Variants in LTBP1 observed in about 807,000 individuals in gnomAD.
The protein encoded by LTBP1 is latent-transforming growth factor beta-binding protein 1.
LTBP1 carries 129 observed loss-of-function variants against 207.6 expected under a neutral mutation model. That is an observed-to-expected ratio of 0.62 (90% confidence interval 0.54 to 0.72). The LOEUF is 0.72. Ranked by LOEUF, LTBP1 falls within the 30% of genes least tolerant of loss-of-function variation. LTBP1 has a pLI of 0.00. For synonymous variants in LTBP1, 963 were observed against 833.7 expected (o/e 1.16, Z -2.67); for missense variants, 2,281 against 2,217.2 (o/e 1.03, Z -0.58).
At chr2:33,082,798 A>G (rs1464289327) in intron 3 of LTBP1, among the ~76,000 whole-genome samples, 1 of 151,916 alleles carries the variant, frequency 6.6e-6, no homozygotes, top group Non-Finnish European at 1.5e-5. Context: ...GCATCTCTTT[A>G]TTCTTCTTTT....
At chr2:33,238,142 A>C (rs1236382687) in intron 9 of LTBP1, among the ~76,000 whole-genome samples, 1 of 152,182 alleles carries the variant, frequency 6.6e-6, no homozygotes, top group Non-Finnish European at 1.5e-5. Context: ...TTCAAGTGGA[A>C]GGCATACTGC....
At chr2:33,127,551 C>T (rs1348955675) in intron 4 of LTBP1, among the ~76,000 whole-genome samples, 1 of 152,200 alleles carries the variant, frequency 6.6e-6, no homozygotes, top group Non-Finnish European at 1.5e-5. Flanking sequence ...TGACACTCCC[C>T]TCTTACCACA....
chr2:33,321,011 C>T (rs1489908093), intron 24 of LTBP1, among the ~76,000 whole-genome samples: 1 of 151,950 alleles, frequency 6.6e-6, no homozygotes, highest in African/African-American at 2.4e-5. Context: ...ATTAATAATT[C>T]TATATTCCAC....
In LTBP1 at chr2:33,262,358, G is replaced by A. The variant is rs548301973; in HGVS notation, c.2419-364G>A. Among the ~76,000 whole-genome samples the A allele has an allele frequency of 1.9e-3, 295 of 152,260 alleles. 2 individuals are homozygous for A. Among genetic ancestry groups the A allele is most frequent in the African/African-American group, 6.4e-3 (266 of 41,534 alleles). The stretch of plus-strand genomic sequence containing the variant: ...GTGGGGCAGAGCCACATGTGAATGA[G>A]GCAATAGTCCTCGTTGGGGGTTAGT... On this transcript the variant is annotated intron_variant, in intron 13 of 33. Coordinates refer to ENST00000404816, the MANE Select transcript of LTBP1 (RefSeq NM_206943.4).
intron 7 of LTBP1, among the ~76,000 whole-genome samples, chr2:33,189,243 T>A (rs1038166688): frequency 1.3e-5 from 2 of 152,246 alleles, no homozygotes; most frequent in Admixed American, 1.3e-4. Flanking sequence ...TTGCCCAGGC[T>A]GGAGTGCAGT....
intron 24 of LTBP1, among the ~76,000 whole-genome samples, chr2:33,334,389 T>C (rs1449773086): frequency 6.6e-6 from 1 of 152,218 alleles, no homozygotes; most frequent in Admixed American, 6.5e-5. Flanking sequence ...ATTAGGTAAA[T>C]TATTCTGTCA....
chr2:33,176,628 C>T (rs1376671599), intron 5 of LTBP1, among the ~76,000 whole-genome samples: 2 of 152,032 alleles, frequency 1.3e-5, no homozygotes, highest in African/African-American at 4.8e-5. Context: ...ATTCAACAGC[C>T]CAGCACTAGA....
chr2:32,956,965 G>T (rs138059142), intron 2 of LTBP1, among the ~76,000 whole-genome samples: 1 of 152,164 alleles, frequency 6.6e-6, no homozygotes, highest in Non-Finnish European at 1.5e-5. Flanking sequence ...ATTTTGAAAA[G>T]AACCTTTCTG....
chr2:33,176,295 C>T (rs34577456), intron 5 of LTBP1, among the ~76,000 whole-genome samples: 75,750 of 151,962 alleles, frequency 0.5, 19,145 homozygotes, highest in Non-Finnish European at 0.52. Flanking sequence ...GGTGGGATCT[C>T]TGTTCACTGC....
At chr2:33,282,279 T>G (rs547731759) in intron 19 of LTBP1, among the ~76,000 whole-genome samples, 2 of 152,268 alleles carry the variant, frequency 1.3e-5, no homozygotes, top group Admixed American at 1.3e-4. Context: ...GGAGGCAGTG[T>G]CCTTTATCTT....
At chr2:33,234,405 A>C (rs59073238) in intron 9 of LTBP1, among the ~76,000 whole-genome samples, 4,427 of 152,232 alleles carry the variant, frequency 0.029, 226 homozygotes, top group African/African-American at 0.1. Context: ...GGCTATAGAC[A>C]CGAGCATTCC....
At chr2:33,063,070 C>G (rs2077344798) in intron 3 of LTBP1, 1 of 152,204 alleles carries the variant, frequency 6.6e-6, no homozygotes, top group South Asian at 2.1e-4. Flanking sequence ...ACTCCTGTCC[C>G]ACACTGTCTT....
intron 7 of LTBP1, among the ~76,000 whole-genome samples, chr2:33,209,868 T>C (rs758531701): frequency 6.6e-6 from 1 of 152,164 alleles, no homozygotes; most frequent in Non-Finnish European, 1.5e-5. Context: ...GTCTCACATG[T>C]GTTGTCTCAG....
chr2:33,224,408 A>C (rs1023979212), intron 9 of LTBP1, among the ~76,000 whole-genome samples: 2 of 152,132 alleles, frequency 1.3e-5, no homozygotes, highest in Non-Finnish European at 2.9e-5. Context: ...TAAAATATAC[A>C]TATGTTCTCT....
At chr2:32,970,894 A>AT (rs796721066) in intron 2 of LTBP1, among the ~76,000 whole-genome samples, 75 of 147,870 alleles carry the variant, frequency 5.1e-4, no homozygotes, top group Middle Eastern at 3.6e-3. Flanking sequence ...ATGAGCATGG[A>AT]TTTTTTTTTT....
intron 5 of LTBP1, among the ~76,000 whole-genome samples, chr2:33,163,745 C>T (rs116236821): frequency 8.7e-4 from 133 of 152,122 alleles, no homozygotes; most frequent in African/African-American, 3.2e-3. Flanking sequence ...TCAAATAAAA[C>T]ATATAAGGTT....
intron 2 of LTBP1, among the ~76,000 whole-genome samples, chr2:32,994,009 T>TGTGTGTGTGTGTG (rs746074060): frequency 2.1e-5 from 3 of 143,908 alleles, no homozygotes; most frequent in South Asian, 2.3e-4. Flanking sequence ...TGTGTGTGTG[T>TGTGTGTGTGTGTG]TGGGGGTTAT....
intron 4 of LTBP1, among the ~76,000 whole-genome samples, chr2:33,119,551 CCTTT>C (rs763456274): frequency 6.6e-5 from 10 of 151,904 alleles, no homozygotes; most frequent in Admixed American, 2.6e-4. Context: ...TCCATAAATA[CCTTT>C]CTTTCTTTCT....
intron 3 of LTBP1, among the ~76,000 whole-genome samples, chr2:33,076,901 A>G (rs1357539873): frequency 6.6e-6 from 1 of 152,134 alleles, no homozygotes; most frequent in Non-Finnish European, 1.5e-5. Context: ...TCCTTTGGCC[A>G]AGAGGGCATC....
Sources: gnomAD v4.1 joint callset for allele counts (sites outside exome capture counted in the v4.1 genomes callset) on GRCh38, gnomAD v4.1.1 for gene constraint, MANE v1.5 for transcripts, NCBI Gene and HGNC (gene_info 2026-07-23, HGNC 2026-07-21) for gene names.